The following LGR6 variants were observed in gnomAD, a reference collection of about 807,000 sequenced individuals.
The protein encoded by LGR6 is leucine rich repeat containing G protein-coupled receptor 6, also known as leucine-rich repeat-containing G protein-coupled receptor 6.
In LGR6, 45 loss-of-function variants were observed where a neutral mutation model predicts 69.4. The observed-to-expected ratio is 0.65, with a 90% CI of 0.51 to 0.83. LGR6 has a LOEUF of 0.83. Ranked by LOEUF, LGR6 falls within the 40% of genes least tolerant of loss-of-function variation. The pLI is 0.00. For synonymous variants in LGR6, 538 were observed against 555.0 expected, an observed-to-expected ratio of 0.97 and a Z score of 0.43; for missense variants, 1,108 against 1,246.7, an observed-to-expected ratio of 0.89 and a Z score of 1.68.
At chr1:202,298,503 A>G (rs936432984) in intron 7 of LGR6, 4 of 151,002 alleles carry the variant, frequency 2.6e-5, no homozygotes, top group African/African-American at 9.7e-5. Context: ...CAGAGCCCCA[A>G]ATTTTCAGGC....
At chr1:202,223,034 A>G (rs1252218313) in intron 1 of LGR6, among the ~76,000 whole-genome samples, 1 of 150,306 alleles carries the variant, frequency 6.7e-6, no homozygotes, top group Non-Finnish European at 1.5e-5. Flanking sequence ...CCCGGAGGCG[A>G]AGGTTGCAGT....
intron 4 of LGR6, among the ~76,000 whole-genome samples, chr1:202,249,553 A>G (rs1571893349): frequency 6.6e-6 from 1 of 152,236 alleles, no homozygotes; most frequent in South Asian, 2.1e-4. Context: ...CACTTGCATG[A>G]CTCACGGGGC....
In LGR6 at chr1:202,193,948, C is replaced by T. The variant is rs763826160; in HGVS notation, c.-42C>T. On this transcript the variant is annotated 5_prime_UTR_variant, in exon 1 of 18. Coordinates refer to ENST00000367278, the MANE Select transcript of LGR6 (RefSeq NM_001017403.2). ...CAGCTGCGGCCATCGCGCCGTGCGT[C>T]CGCGCCCGGCCGCCAGGTGCCCCAG... The T allele has an allele frequency of 1.9e-5, 23 of 1,241,618 alleles. No homozygotes were observed. The South Asian group carries it at 4.8e-4, about 26-fold the overall frequency. 76.9% of individuals were successfully genotyped at this position (1,241,618 alleles called of 1,614,324 possible). A position where few individuals can be genotyped will look rare whatever the true frequency, so the allele number is the denominator to read the frequency against.
chr1:202,258,809 T>C (rs775114103), intron 4 of LGR6, among the ~76,000 whole-genome samples: 6 of 152,076 alleles, frequency 3.9e-5, no homozygotes, highest in Admixed American at 6.5e-5. Context: ...TCCTGTCTTA[T>C]GCGTTAGAGC....
At chr1:202,309,276 G>A in intron 15 of LGR6, 100 bp downstream of exon 15, 1 of 1,446,862 alleles carries the variant, frequency 6.9e-7, no homozygotes, top group Non-Finnish European at 9.3e-7. Flanking sequence ...GAGCCTAGAG[G>A]CTTAGGGTTT....
At chr1:202,233,850 C>T (rs1661296906) in intron 3 of LGR6, among the ~76,000 whole-genome samples, 1 of 152,170 alleles carries the variant, frequency 6.6e-6, no homozygotes, top group South Asian at 2.1e-4. Context: ...TCAGTATCAT[C>T]CCCAACTTAT....
rs1047015341 is a variant in LGR6, at chr1:202,269,621, C to G, written c.429-6685C>G. On this transcript the variant is annotated intron_variant, in intron 4 of 17. Coordinates refer to ENST00000367278, the MANE Select transcript of LGR6 (RefSeq NM_001017403.2). Reference sequence around the variant, plus strand: ...CTGGATGTGCCCCAGCCCTGTGGAGCCTACTTCATTCAGGCCCACCTTTCC... The same window carrying G: ...CTGGATGTGCCCCAGCCCTGTGGAGGCTACTTCATTCAGGCCCACCTTTCC... Among the ~76,000 whole-genome samples the G allele has an allele frequency of 3.3e-5, 5 of 152,306 alleles. No individual in the cohort carries two copies. The South Asian group carries it at 1.0e-3, about 32-fold the overall frequency.
At chr1:202,204,660 A>AACAC (rs1558003919) in intron 1 of LGR6, among the ~76,000 whole-genome samples, 1 of 3,392 alleles carries the variant, frequency 2.9e-4, no homozygotes, top group Non-Finnish European at 7.1e-4. Flanking sequence ...CACACCTCCA[A>AACAC]ACACACACAC....
intron 4 of LGR6, among the ~76,000 whole-genome samples, chr1:202,266,420 C>T (rs888839625): frequency 3.9e-5 from 6 of 152,120 alleles, no homozygotes; most frequent in African/African-American, 1.4e-4. Context: ...GAAGTCATAG[C>T]GCCCTGTGTA....
intron 4 of LGR6, among the ~76,000 whole-genome samples, chr1:202,265,191 C>A (rs1664546100): frequency 6.6e-6 from 1 of 152,166 alleles, no homozygotes; most frequent in African/African-American, 2.4e-5. Flanking sequence ...CCCCACCCCA[C>A]CTCTGCAGGG....
chr1:202,280,628 A>C (rs1044532097), intron 5 of LGR6, among the ~76,000 whole-genome samples, 153 bp from the exon 6 acceptor site: 2 of 152,182 alleles, frequency 1.3e-5, no homozygotes, highest in African/African-American at 4.8e-5. Context: ...AGTCTTGGCC[A>C]GTCAGTTTGT....
intron 6 of LGR6, among the ~76,000 whole-genome samples, chr1:202,283,952 ACTTC>A (rs966830405): frequency 1.3e-5 from 2 of 152,178 alleles, no homozygotes; most frequent in African/African-American, 4.8e-5. Context: ...TGTGAGCCTC[ACTTC>A]CTTCATCTGC....
At chr1:202,300,207 G>A (rs1251517066) in intron 7 of LGR6, among the ~76,000 whole-genome samples, 1 of 152,198 alleles carries the variant, frequency 6.6e-6, no homozygotes, top group Non-Finnish European at 1.5e-5. Flanking sequence ...GGGCTCTCAC[G>A]ACAAATGACT....
intron 3 of LGR6, among the ~76,000 whole-genome samples, chr1:202,231,576 T>C (rs1226105774): frequency 6.6e-6 from 1 of 151,262 alleles, no homozygotes; most frequent in African/African-American, 2.4e-5. Flanking sequence ...TCAGATTTCC[T>C]CTCTCTGAGC....
intron 1 of LGR6, among the ~76,000 whole-genome samples, chr1:202,217,030 A>G (rs10920363): frequency 0.44 from 66,515 of 151,996 alleles, 14,727 homozygotes; most frequent in Non-Finnish European, 0.47. Context: ...CTCCAGCTTC[A>G]CAGCTGTGCC....
chr1:202,224,544 C>T (rs1202542553), intron 1 of LGR6, among the ~76,000 whole-genome samples: 3 of 152,132 alleles, frequency 2.0e-5, no homozygotes, highest in Non-Finnish European at 1.5e-5. Flanking sequence ...AATTTTTTTC[C>T]ACGGACAGGG....
At chr1:202,303,166 T>G in intron 9 of LGR6, 113 bp from the exon 10 acceptor site, 15 of 807,400 alleles carry the variant, frequency 1.9e-5, no homozygotes, top group Non-Finnish European at 3.3e-5. Flanking sequence ...CAGGGAAGCA[T>G]GACATTGCCC....
chr1:202,304,441 T>C, intron 10 of LGR6, 118 bp from the exon 11 acceptor site: 1 of 604,754 alleles, frequency 1.7e-6, no homozygotes, highest in Middle Eastern at 3.8e-4. Flanking sequence ...TCCCTCCATT[T>C]CTCTCTTTTG....
intron 1 of LGR6, among the ~76,000 whole-genome samples, chr1:202,217,565 G>A (rs1334432895): frequency 6.6e-6 from 1 of 151,890 alleles, no homozygotes; most frequent in African/African-American, 2.4e-5. Flanking sequence ...GGTCACCTTC[G>A]GGCGACACTG....
Sources: allele counts gnomAD v4.1 joint callset (sites outside exome capture counted in the v4.1 genomes callset), GRCh38; gene constraint gnomAD v4.1.1; transcripts MANE v1.5; gene names NCBI Gene and HGNC (gene_info 2026-07-23, HGNC 2026-07-21).